The following SGCZ variants were observed in gnomAD, a reference collection of about 807,000 sequenced individuals.
SGCZ encodes zeta-sarcoglycan.
A neutral mutation model predicts 41.3 loss-of-function variants in SGCZ; 40 were observed. The ratio of observed to expected loss-of-function variants is 0.97; its 90% CI spans 0.75 to 1.26. The LOEUF (loss-of-function observed/expected upper bound fraction) is 1.26. Among genes scored for constraint, SGCZ ranks in the 50% most tolerant of loss-of-function variants. The pLI, the probability that SGCZ is intolerant of heterozygous loss-of-function variation, is 0.00. For synonymous variants in SGCZ, 206 were observed against 137.5 expected, an observed-to-expected ratio of 1.50 and a Z score of -3.49; for missense variants, 552 against 369.8, an observed-to-expected ratio of 1.49 and a Z score of -4.04.
At chr8:15,106,966 G>GT (rs1806849398) in intron 1 of SGCZ, among the ~76,000 whole-genome samples, 1 of 152,010 alleles carries the variant, frequency 6.6e-6, no homozygotes, top group Non-Finnish European at 1.5e-5. Context: ...TATTTAAAAA[G>GT]TGTTTTTCTC....
intron 2 of SGCZ, among the ~76,000 whole-genome samples, chr8:14,428,795 G>C (rs1005339227): frequency 1.3e-5 from 2 of 152,130 alleles, no homozygotes; most frequent in East Asian, 3.9e-4. Context: ...TTCACTTATT[G>C]ATTTCCTGCA....
intron 1 of SGCZ, among the ~76,000 whole-genome samples, chr8:14,889,728 C>A (rs1008471197): frequency 2.0e-5 from 3 of 151,644 alleles, no homozygotes; most frequent in Non-Finnish European, 2.9e-5. Context: ...TTTAAATACA[C>A]AAAATATAGA....
At chr8:14,931,966 A>G (rs1272848632) in intron 1 of SGCZ, among the ~76,000 whole-genome samples, 1 of 152,016 alleles carries the variant, frequency 6.6e-6, no homozygotes, top group Non-Finnish European at 1.5e-5. Flanking sequence ...AGCTCGCATA[A>G]TGTTAAAAGT....
chr8:14,822,341 C>G (rs982858604), intron 1 of SGCZ, among the ~76,000 whole-genome samples: 30 of 152,024 alleles, frequency 2.0e-4, no homozygotes, highest in Non-Finnish European at 4.4e-5. Flanking sequence ...TTGAAGATGA[C>G]AGAATTAAGT....
chr8:14,170,966 C>T (rs866830549), intron 4 of SGCZ, among the ~76,000 whole-genome samples: 9 of 151,944 alleles, frequency 5.9e-5, no homozygotes, highest in Admixed American at 1.3e-4. Flanking sequence ...ATCCTAGTGT[C>T]TTCTGGTAAT....
At chr8:14,490,516 C>T (rs1174298977) in intron 2 of SGCZ, among the ~76,000 whole-genome samples, 1 of 152,086 alleles carries the variant, frequency 6.6e-6, no homozygotes, top group Non-Finnish European at 1.5e-5. Context: ...GATTCTCATC[C>T]CCTTACTCTT....
At chr8:15,176,407 C>T (rs1468628678) in intron 1 of SGCZ, among the ~76,000 whole-genome samples, 2 of 152,072 alleles carry the variant, frequency 1.3e-5, no homozygotes, top group East Asian at 3.9e-4. Context: ...AAATACTTGG[C>T]ATTTGACGGC....
At chr8:14,459,084 T>C (rs535779819) in intron 2 of SGCZ, among the ~76,000 whole-genome samples, 5 of 152,296 alleles carry the variant, frequency 3.3e-5, no homozygotes, top group Admixed American at 2.0e-4. Flanking sequence ...TAGTTGGTTA[T>C]AACTTGCATA....
At chr8:15,192,621 G>A (rs1800579733) in intron 1 of SGCZ, among the ~76,000 whole-genome samples, 1 of 152,048 alleles carries the variant, frequency 6.6e-6, no homozygotes. Flanking sequence ...TGGTTTACTG[G>A]CATCAATGCC....
chr8:14,983,383 T>A (rs1193322406), intron 1 of SGCZ, among the ~76,000 whole-genome samples: 2 of 152,014 alleles, frequency 1.3e-5, no homozygotes, highest in Non-Finnish European at 2.9e-5. Flanking sequence ...TATTTTTTTT[T>A]ATTTTTATTT....
chr8:14,968,242 T>C (rs983039594), intron 1 of SGCZ, among the ~76,000 whole-genome samples: 4 of 152,150 alleles, frequency 2.6e-5, no homozygotes, highest in Admixed American at 2.6e-4. Context: ...ATCAAACATA[T>C]AGTGTACAAC....
intron 3 of SGCZ, among the ~76,000 whole-genome samples, chr8:14,246,449 G>C (rs1290153381): frequency 6.6e-6 from 1 of 151,926 alleles, no homozygotes; most frequent in African/African-American, 2.4e-5. Flanking sequence ...ACTGTTGTGG[G>C]GTGGGGGGAG....
At chr8:14,718,154 G>A (rs529396628) in intron 1 of SGCZ, among the ~76,000 whole-genome samples, 97 of 151,530 alleles carry the variant, frequency 6.4e-4, no homozygotes, top group African/African-American at 2.2e-3. Context: ...ATACACATAT[G>A]CATGCACACA....
At chr8:14,414,674 T>C (rs1425937277) in intron 2 of SGCZ, among the ~76,000 whole-genome samples, 1 of 151,992 alleles carries the variant, frequency 6.6e-6, no homozygotes, top group Non-Finnish European at 1.5e-5. Context: ...TAATCTATCA[T>C]AATAGCATAA....
chr8:14,830,169 T>C (rs984415637), intron 1 of SGCZ, among the ~76,000 whole-genome samples: 2 of 152,214 alleles, frequency 1.3e-5, no homozygotes, highest in Non-Finnish European at 2.9e-5. Context: ...GAATTAAAAA[T>C]ATGGACCAAC....
intron 1 of SGCZ, among the ~76,000 whole-genome samples, chr8:15,102,700 TA>T (rs1460798171): frequency 2.0e-5 from 3 of 152,180 alleles, no homozygotes; most frequent in African/African-American, 4.8e-5. Context: ...TATTCTATTG[TA>T]AAAAAATTAT....
chr8:15,188,401 A>C (rs1368846463), intron 1 of SGCZ, among the ~76,000 whole-genome samples: 1 of 152,184 alleles, frequency 6.6e-6, no homozygotes, highest in Admixed American at 6.5e-5. Context: ...ATAGATCTAC[A>C]TTAGCTGAAG....
chr8:15,207,863 C>T (rs11203683), intron 1 of SGCZ, among the ~76,000 whole-genome samples: 118,690 of 151,902 alleles, frequency 0.78, 46,823 homozygotes, highest in Non-Finnish European at 0.83. Context: ...GAAAATATAC[C>T]TGTTATAACA....
chr8:15,165,294 C>A (rs556649110), intron 1 of SGCZ, among the ~76,000 whole-genome samples: 1 of 151,814 alleles, frequency 6.6e-6, no homozygotes, highest in Non-Finnish European at 1.5e-5. Context: ...TCCTCCCCGC[C>A]CCCACCAAAA....
Sources: allele counts gnomAD v4.1 joint callset (sites outside exome capture counted in the v4.1 genomes callset), GRCh38; gene constraint gnomAD v4.1.1; transcripts MANE v1.5; gene names NCBI Gene and HGNC (gene_info 2026-07-23, HGNC 2026-07-21).